The following AGBL1 variants were observed in gnomAD, a reference collection of about 807,000 sequenced individuals.
AGBL1 encodes AGBL carboxypeptidase 1.
In AGBL1, 130 loss-of-function variants were observed where a neutral mutation model predicts 118.9. The observed-to-expected ratio is 1.09, with a 90% CI of 0.95 to 1.26. The LOEUF (loss-of-function observed/expected upper bound fraction) is 1.26. Among genes scored for constraint, AGBL1 ranks in the 50% most tolerant of loss-of-function variants. AGBL1 has a pLI of 0.00. For synonymous variants in AGBL1, 555 were observed against 478.9 expected (o/e 1.16, Z -2.08); for missense variants, 1,584 against 1,298.1 (o/e 1.22, Z -3.38).
intron 17 of AGBL1, among the ~76,000 whole-genome samples, chr15:86,368,456 G>A (rs1275818792): frequency 6.6e-6 from 1 of 152,142 alleles, no homozygotes; most frequent in African/African-American, 2.4e-5. Context: ...AGATTTTAAA[G>A]TTACTACATT....
chr15:86,707,356 G>T (rs756873708), intron 22 of AGBL1, among the ~76,000 whole-genome samples: 3 of 152,080 alleles, frequency 2.0e-5, no homozygotes, highest in Non-Finnish European at 4.4e-5. Flanking sequence ...TCAGTTGGAG[G>T]TTACTCTGTA....
At chr15:86,225,356 AT>A (rs2078345375) in intron 6 of AGBL1, among the ~76,000 whole-genome samples, 1 of 152,090 alleles carries the variant, frequency 6.6e-6, no homozygotes, top group Non-Finnish European at 1.5e-5. Context: ...GGAAGAAAAG[AT>A]TTTGGCTGGC....
chr15:86,761,058 G>A (rs1272806360), intron 22 of AGBL1, among the ~76,000 whole-genome samples: 2 of 152,062 alleles, frequency 1.3e-5, no homozygotes, highest in Non-Finnish European at 2.9e-5. Context: ...TATACTTGTT[G>A]ATGCTAATAC....
chr15:86,808,083 C>A (rs1187869938), intron 22 of AGBL1, among the ~76,000 whole-genome samples: 2 of 152,080 alleles, frequency 1.3e-5, no homozygotes, highest in Admixed American at 1.3e-4. Flanking sequence ...TCCATAGGAG[C>A]AATTATTAGA....
intron 5 of AGBL1, among the ~76,000 whole-genome samples, chr15:86,206,503 A>G (rs959545886): frequency 3.9e-5 from 6 of 152,190 alleles, no homozygotes; most frequent in African/African-American, 1.4e-4. Context: ...AATGATCACC[A>G]TTCTAACTGG....
At position 86,187,622 on chromosome 15, in the gene AGBL1, C is replaced by T. The variant is rs145543904; in HGVS notation, c.488+28596C>T. Among the ~76,000 whole-genome samples, 6 of 152,264 alleles carry T rather than the reference C, an allele frequency of 3.9e-5. No individual in the cohort carries two copies. The East Asian group carries it at 1.2e-3, about 29-fold the overall frequency. Reference sequence around the variant, plus strand: ...GTGGTGAGATTGAAGTGGTATGATGCATATCAGGGCCCAGAACAATGGATT... The same window carrying T: ...GTGGTGAGATTGAAGTGGTATGATGTATATCAGGGCCCAGAACAATGGATT... On this transcript the variant is annotated intron_variant, in intron 5 of 22. Transcript: ENST00000614907.
At chr15:86,423,345 T>C (rs967598543) in intron 18 of AGBL1, among the ~76,000 whole-genome samples, 2 of 152,168 alleles carry the variant, frequency 1.3e-5, no homozygotes, top group African/African-American at 4.8e-5. Flanking sequence ...TCTCAGTAGA[T>C]GCAGAAAAAG....
intron 24 of AGBL1, among the ~76,000 whole-genome samples, chr15:87,020,061 GA>G (rs35477628): frequency 0.38 from 58,279 of 151,460 alleles, 11,728 homozygotes; most frequent in East Asian, 0.51. Context: ...ACTGAACCAG[GA>G]AAAAAATTGA....
intron 21 of AGBL1, among the ~76,000 whole-genome samples, chr15:86,654,473 A>G (rs1238226210): frequency 6.6e-6 from 1 of 152,094 alleles, no homozygotes; most frequent in Admixed American, 6.5e-5. Context: ...GGCTGGCACC[A>G]CTCTTTACCC....
intron 9 of AGBL1, among the ~76,000 whole-genome samples, chr15:86,258,846 G>A (rs2078938554): frequency 6.6e-6 from 1 of 152,070 alleles, no homozygotes; most frequent in African/African-American, 2.4e-5. Context: ...AACTGGGACT[G>A]CAGATGCCTA....
chr15:86,193,215 C>T (rs1402699167), intron 5 of AGBL1, among the ~76,000 whole-genome samples: 15 of 152,072 alleles, frequency 9.9e-5, no homozygotes, highest in Admixed American at 9.8e-4. Flanking sequence ...GGTGAATTTG[C>T]CCCTTATTTT....
chr15:86,439,108 C>T (rs558636322), intron 18 of AGBL1, among the ~76,000 whole-genome samples: 3 of 152,126 alleles, frequency 2.0e-5, no homozygotes, highest in East Asian at 1.9e-4. Flanking sequence ...ATGAGGATGT[C>T]GTAATGGGGC....
chr15:86,931,271 T>G (rs537404438), intron 23 of AGBL1, among the ~76,000 whole-genome samples: 36 of 152,370 alleles, frequency 2.4e-4, no homozygotes, highest in African/African-American at 8.4e-4. Flanking sequence ...TGTGTTGATT[T>G]ACAATTTTGC....
intron 22 of AGBL1, among the ~76,000 whole-genome samples, chr15:86,827,041 G>C (rs2079020797): frequency 6.6e-6 from 1 of 151,384 alleles, no homozygotes; most frequent in South Asian, 2.1e-4. Flanking sequence ...GCCCTACAAT[G>C]TCATTGCAAG....
intron 18 of AGBL1, among the ~76,000 whole-genome samples, chr15:86,426,375 G>T (rs532681129): frequency 1.7e-4 from 26 of 152,318 alleles, no homozygotes; most frequent in African/African-American, 6.0e-4. Flanking sequence ...TCCCAGGTCT[G>T]TCAAATGATT....
chr15:86,750,024 TA>T (rs1428215658), intron 22 of AGBL1, among the ~76,000 whole-genome samples: 1 of 152,144 alleles, frequency 6.6e-6, no homozygotes, highest in Non-Finnish European at 1.5e-5. Flanking sequence ...GCTGGCCTCA[TA>T]AAATGAGTTA....
chr15:86,872,509 A>G (rs1005719070), intron 22 of AGBL1, among the ~76,000 whole-genome samples: 2 of 152,216 alleles, frequency 1.3e-5, no homozygotes, highest in African/African-American at 4.8e-5. Context: ...TAATCCCAGC[A>G]CTTTGGGAGG....
intron 21 of AGBL1, among the ~76,000 whole-genome samples, chr15:86,579,871 G>A (rs1376282843): frequency 6.6e-6 from 1 of 152,184 alleles, no homozygotes; most frequent in African/African-American, 2.4e-5. Flanking sequence ...GAGGGAGGAA[G>A]AAGTGGGAAA....
intron 16 of AGBL1, 38 bp from the exon 17 acceptor site, chr15:86,295,217 T>G: frequency 1.2e-6 from 2 of 1,604,530 alleles, no homozygotes; most frequent in Non-Finnish European, 1.7e-6. Flanking sequence ...TTATAAAAAA[T>G]GTTGATAATA....
Sources: allele counts gnomAD v4.1 joint callset (sites outside exome capture counted in the v4.1 genomes callset), GRCh38; gene constraint gnomAD v4.1.1; transcripts MANE v1.5; gene names NCBI Gene and HGNC (gene_info 2026-07-23, HGNC 2026-07-21).